PGAP6: variants seen among roughly 807,000 people sequenced by gnomAD.
PGAP6 encodes the protein post-GPI attachment to proteins 6.
Under a neutral mutation model 68.4 loss-of-function variants are expected in PGAP6, and 62 were observed. The ratio of observed to expected loss-of-function variants is 0.91; its 90% CI spans 0.74 to 1.12. PGAP6 has a LOEUF of 1.12. Among genes scored for constraint, PGAP6 ranks in the 50% most tolerant of loss-of-function variants. The pLI, the probability that PGAP6 is intolerant of heterozygous loss-of-function variation, is 0.00. For synonymous variants in PGAP6, 575 were observed against 474.0 expected, an observed-to-expected ratio of 1.21 and a Z score of -2.77; for missense variants, 1,188 against 1,068.5, an observed-to-expected ratio of 1.11 and a Z score of -1.56.
At chr16:383,856 G>C (rs1034607053), upstream of PGAP6, among the ~76,000 whole-genome samples, 2 of 152,134 alleles carry the variant, frequency 1.3e-5, no homozygotes, top group East Asian at 1.9e-4. Context: ...TTTACGGAGC[G>C]GGGGAGGGGA....
chr16:386,428 T>C (rs2141772735), upstream of PGAP6, among the ~76,000 whole-genome samples: 1 of 152,134 alleles, frequency 6.6e-6, no homozygotes, highest in Non-Finnish European at 1.5e-5. Context: ...GGAGACCCTG[T>C]CTTCCCACTC....
At chr16:376,522 C>T (rs2054385383) in intron 5 of PGAP6, 22 bp downstream of exon 5, 1 of 1,545,948 alleles carries the variant, frequency 6.5e-7, no homozygotes, top group Non-Finnish European at 8.7e-7. Context: ...AGGGCCATCC[C>T]TCCAGCCCTT....
At chr16:374,700 A>C in intron 9 of PGAP6, 56 bp downstream of exon 9, 1 of 1,602,778 alleles carries the variant, frequency 6.2e-7, no homozygotes, top group Non-Finnish European at 8.5e-7. Context: ...GGCACAGCAC[A>C]GCACTGGAAG....
rs749282297 is a variant in PGAP6, at chr16:377,598, G to A, written c.300-13C>T. ...GGAACGGAAGTGCCTGGAGACGGGA[G>A]AGCAGCACCGGGTTCAGGCACAGGG... On this transcript the variant is annotated splice_polypyrimidine_tract_variant and intron_variant, in intron 2 of 12. Coordinates refer to ENST00000431232, the MANE Select transcript of PGAP6 (RefSeq NM_021259.3). 23 of 1,569,852 alleles carry A rather than the reference G, an allele frequency of 1.5e-5. No individual in the cohort carries two copies. Among genetic ancestry groups the A allele is most frequent in the African/African-American group, 2.7e-5 (2 of 73,962 alleles).
At chr16:373,273 C>T (rs2054350669) in intron 11 of PGAP6, among the ~76,000 whole-genome samples, 2 of 152,260 alleles carry the variant, frequency 1.3e-5, no homozygotes. Context: ...CAGTACCCAG[C>T]CTGCAGTTCC....
intron 1 of PGAP6, among the ~76,000 whole-genome samples, chr16:380,901 G>A (rs1366525718): frequency 6.6e-6 from 1 of 152,202 alleles, no homozygotes; most frequent in Non-Finnish European, 1.5e-5. Flanking sequence ...ACTTCCAGCC[G>A]GCCAGAAAGG....
At chr16:383,040 C>T (rs1444571845), upstream of PGAP6, among the ~76,000 whole-genome samples, 1 of 152,128 alleles carries the variant, frequency 6.6e-6, no homozygotes, top group Non-Finnish European at 1.5e-5. Context: ...CGCCTGAACC[C>T]GGGAAGCGGA....
In PGAP6 at chr16:376,374, A is replaced by G. The variant is rs772377161; in HGVS notation, c.986T>C (p.Leu329Pro). 6.2e-7 allele frequency: 1 copy of G among 1,611,336 alleles called. No homozygotes were observed. Among genetic ancestry groups the G allele is most frequent in the South Asian group, 1.1e-5 (1 of 91,030 alleles). ...GTCCTGGTGGTCGGGGCTCGGGGACAGCAGACCAGAGGAGGCATTGAAGCT... is the reference window on the plus strand; with the variant it reads ...GTCCTGGTGGTCGGGGCTCGGGGACGGCAGACCAGAGGAGGCATTGAAGCT... Reference protein sequence around the residue: ...NQSFNASSGLLSPSPDHQDLG... With the variant: ...NQSFNASSGLPSPSPDHQDLG... Residue 329 changes from leucine to proline, a missense_variant, in exon 6 of 13, where the codon CTG (leucine) becomes CCG (proline). Leu to Pro is a moderately conservative substitution (Grantham distance 98, BLOSUM62 -3). Transcript: ENST00000431232.
upstream of PGAP6, among the ~76,000 whole-genome samples, chr16:386,403 C>T (rs1204597666): frequency 3.9e-5 from 6 of 152,018 alleles, no homozygotes; most frequent in Non-Finnish European, 8.8e-5. Flanking sequence ...TGTTCATGGC[C>T]ACCTGGTAGA....
intron 9 of PGAP6, 37 bp from the exon 10 acceptor site, chr16:374,436 AC>A (rs1260548605): frequency 8.6e-6 from 13 of 1,519,376 alleles, no homozygotes; most frequent in Non-Finnish European, 8.8e-6. Flanking sequence ...GGCTGGGGGC[AC>A]TGCTGAACCT....
Position 376,708 on chromosome 16 carries a change from G to T in PGAP6, c.740C>A (p.Thr247Asn). 1.2e-6 allele frequency: 2 copies of T among 1,611,786 alleles called. No individual in the cohort carries two copies. Among genetic ancestry groups the T allele is most frequent in the Non-Finnish European group, 1.7e-6 (2 of 1,179,822 alleles). The change falls in exon 5 of 13, where the codon ACC becomes AAC. Residue 247 changes from threonine (T) to asparagine (N), a missense_variant. By Grantham distance (65) the Thr-to-Asn change is moderately conservative. Transcript: ENST00000431232. Reference sequence around the variant, plus strand: ...CACCTTCTGGAAGTTGCTAGGCAGGGTGACCGGGCCCACGGTGAGACGCAC... The same window carrying T: ...CACCTTCTGGAAGTTGCTAGGCAGGTTGACCGGGCCCACGGTGAGACGCAC... Reference protein sequence around the residue: ...CPVRLTVGPVTLPSNFQKVLT... With the variant: ...CPVRLTVGPVNLPSNFQKVLT...
At chr16:385,478 A>AC (rs541084027), upstream of PGAP6, among the ~76,000 whole-genome samples, 263 of 145,128 alleles carry the variant, frequency 1.8e-3, 3 homozygotes, top group African/African-American at 6.1e-3. Context: ...TTCCTGGCTA[A>AC]TTTTTTTTGT....
chr16:378,380 CCACCCTGACTGCCATCG>C (rs2054409576), intron 1 of PGAP6, among the ~76,000 whole-genome samples: 3 of 126,460 alleles, frequency 2.4e-5, no homozygotes, highest in African/African-American at 6.4e-5. Flanking sequence ...ACTGCCATCG[CCACCCTGACTGCCATCG>C]CCACCCGCAC....
chr16:383,884 C>G (rs369243965), upstream of PGAP6, among the ~76,000 whole-genome samples: 133 of 152,292 alleles, frequency 8.7e-4, 3 homozygotes, highest in South Asian at 0.023. Context: ...TCCACGAGCC[C>G]AGACCCCTGA....
chr16:386,167 G>A (rs567500980), upstream of PGAP6, among the ~76,000 whole-genome samples: 71 of 152,014 alleles, frequency 4.7e-4, no homozygotes, highest in African/African-American at 1.5e-3. Context: ...TTCCACAGTC[G>A]GTGTGCTCTT....
intron 4 of PGAP6, 31 bp downstream of exon 4, chr16:377,006 G>C: frequency 1.2e-6 from 2 of 1,611,118 alleles, no homozygotes; most frequent in Non-Finnish European, 1.7e-6. Flanking sequence ...CCGGAGGGCA[G>C]AGCCGGGCTG....
At chr16:372,879 T>C in intron 11 of PGAP6, 152 bp from the exon 12 acceptor site, 1 of 608,882 alleles carries the variant, frequency 1.6e-6, no homozygotes, top group South Asian at 1.9e-5. Context: ...TGACTAGCTC[T>C]GCCAGCCGGC....
chr16:377,006 G>A, intron 4 of PGAP6, 31 bp downstream of exon 4: 2 of 1,611,118 alleles, frequency 1.2e-6, no homozygotes, highest in Non-Finnish European at 1.7e-6. Flanking sequence ...CCGGAGGGCA[G>A]AGCCGGGCTG....
In PGAP6 at chr16:378,384, C is replaced by T. The variant is rs1567325874; in HGVS notation, c.122-536G>A. ...TCCCCACCCGCACTGCCATCGCCAC[C>T]CTGACTGCCATCGCCACCCGCACTG... On this transcript the variant is annotated intron_variant, in intron 1 of 12. Coordinates refer to ENST00000431232, the MANE Select transcript of PGAP6 (RefSeq NM_021259.3). Among the ~76,000 whole-genome samples, 62 of 118,336 alleles carry T rather than the reference C, an allele frequency of 5.2e-4. 2 individuals carry two copies. The highest frequency in any genetic ancestry group is 4.5e-3 in the Middle Eastern group (1 of 222). 77.6% of individuals were successfully genotyped at this position (118,336 alleles called of 152,430 possible).
Sources: gnomAD v4.1 joint callset for allele counts (sites outside exome capture counted in the v4.1 genomes callset) on GRCh38, gnomAD v4.1.1 for gene constraint, MANE v1.5 for transcripts, NCBI Gene and HGNC (gene_info 2026-07-23, HGNC 2026-07-21) for gene names.